RGS7: variants seen among roughly 807,000 people sequenced by gnomAD.
RGS7 encodes regulator of G protein signaling 7, also known as regulator of G-protein signaling 7.
RGS7 carries 27 observed loss-of-function variants against 81.1 expected under a neutral mutation model. The observed-to-expected ratio is 0.33, with a 90% CI of 0.25 to 0.46. The LOEUF (loss-of-function observed/expected upper bound fraction) is 0.46. Ranked by LOEUF, RGS7 falls within the 20% of genes least tolerant of loss-of-function variation. RGS7 has a pLI of 1.00. For missense variants in RGS7, 396 were observed against 607.4 expected (o/e 0.65, Z 3.66); for synonymous variants, 208 against 207.7 (o/e 1.00, Z -0.01).
intron 18 of RGS7, among the ~76,000 whole-genome samples, chr1:240,789,314 A>C (rs893578354): frequency 3.9e-5 from 6 of 152,140 alleles, no homozygotes; most frequent in Non-Finnish European, 8.8e-5. Context: ...GATTGCGTTA[A>C]CTGTACAAAT....
intron 2 of RGS7, among the ~76,000 whole-genome samples, chr1:241,246,306 T>C: frequency 6.6e-6 from 1 of 152,076 alleles, no homozygotes. Flanking sequence ...GACTGATAAA[T>C]CTATCTGTCT....
intron 9 of RGS7, among the ~76,000 whole-genome samples, chr1:240,866,289 A>T (rs1333035409): frequency 6.6e-6 from 1 of 152,166 alleles, no homozygotes; most frequent in Non-Finnish European, 1.5e-5. Context: ...AGGCGCGTGG[A>T]TCACGAGGTC....
chr1:241,298,384 T>C (rs1220219198), intron 2 of RGS7, among the ~76,000 whole-genome samples: 2 of 152,228 alleles, frequency 1.3e-5, no homozygotes. Flanking sequence ...TTGTATTATG[T>C]CTGAAAGATT....
chr1:241,280,839 G>A (rs1310871354), intron 2 of RGS7, among the ~76,000 whole-genome samples: 1 of 152,170 alleles, frequency 6.6e-6, no homozygotes, highest in Non-Finnish European at 1.5e-5. Context: ...TATGTCTTCA[G>A]TTCTCTGGGC....
At chr1:240,836,671 T>G (rs1330843924) in intron 9 of RGS7, among the ~76,000 whole-genome samples, 1 of 152,222 alleles carries the variant, frequency 6.6e-6, no homozygotes, top group African/African-American at 2.4e-5. Flanking sequence ...CTTTATGCAG[T>G]CTCTATGAAG....
At chr1:241,016,538 A>C (rs2059243683) in intron 3 of RGS7, among the ~76,000 whole-genome samples, 2 of 149,880 alleles carry the variant, frequency 1.3e-5, no homozygotes, top group Admixed American at 6.6e-5. Flanking sequence ...AAAAACAAAA[A>C]TCAACAACAA....
chr1:241,084,878 A>C (rs2063341974), intron 3 of RGS7, among the ~76,000 whole-genome samples: 1 of 152,256 alleles, frequency 6.6e-6, no homozygotes, highest in Admixed American at 6.5e-5. Context: ...CCCTATTAAC[A>C]GTGCTTGATG....
intron 18 of RGS7, among the ~76,000 whole-genome samples, chr1:240,797,392 C>T (rs1419733631): frequency 6.6e-6 from 1 of 152,140 alleles, no homozygotes; most frequent in Non-Finnish European, 1.5e-5. Flanking sequence ...TCTTTTGTCA[C>T]CCAGGTTGGA....
chr1:241,199,416 G>A (rs1387088245), intron 2 of RGS7, among the ~76,000 whole-genome samples: 1 of 150,210 alleles, frequency 6.7e-6, no homozygotes, highest in Non-Finnish European at 1.5e-5. Flanking sequence ...GAGTGAGACT[G>A]TCTCAAAAAA....
intron 2 of RGS7, among the ~76,000 whole-genome samples, chr1:241,226,218 C>T (rs528855065): frequency 6.6e-6 from 1 of 152,192 alleles, no homozygotes; most frequent in Non-Finnish European, 1.5e-5. Context: ...CCATCTTACC[C>T]TCTAGGTGAA....
chr1:241,053,763 G>C (rs1254913581), intron 3 of RGS7, among the ~76,000 whole-genome samples: 1 of 152,140 alleles, frequency 6.6e-6, no homozygotes, highest in African/African-American at 2.4e-5. Context: ...CTGAATCAAG[G>C]GGGGCAGTTT....
Position 241,245,555 on chromosome 1 carries a change from T to G in RGS7, c.78+110144A>C, listed in dbSNP as rs1191184991. 2.6e-5 allele frequency among the ~76,000 whole-genome samples: 4 copies of G among 151,044 alleles called. No individual in the cohort carries two copies. In the East Asian group the frequency reaches 7.8e-4, roughly 30 times the overall value. On this transcript the variant is annotated intron_variant, in intron 2 of 18. Transcript: ENST00000440928. ...CTGGCACAGTGGCTCACGCCTATAA[T>G]CCCAGCACTTTGGGAGGTCGAGGTG...
At chr1:240,982,705 C>T (rs369611570) in intron 4 of RGS7, among the ~76,000 whole-genome samples, 16 of 151,942 alleles carry the variant, frequency 1.1e-4, no homozygotes, top group African/African-American at 3.9e-4. Context: ...GTAGTTAAGG[C>T]AAAATTATAA....
chr1:240,925,288 C>A (rs958926176), intron 6 of RGS7, among the ~76,000 whole-genome samples: 2 of 152,072 alleles, frequency 1.3e-5, no homozygotes, highest in African/African-American at 2.4e-5. Context: ...TCATTCCCCC[C>A]ACCAGTACCT....
At chr1:240,896,346 G>C (rs1318302335) in intron 6 of RGS7, among the ~76,000 whole-genome samples, 1 of 152,144 alleles carries the variant, frequency 6.6e-6, no homozygotes, top group Admixed American at 6.5e-5. Context: ...TTTTAGACAT[G>C]AAGTCCTCGC....
At chr1:241,337,911 C>T (rs746053775) in intron 2 of RGS7, among the ~76,000 whole-genome samples, 35 of 152,252 alleles carry the variant, frequency 2.3e-4, no homozygotes, top group Non-Finnish European at 3.7e-4. Context: ...TAGTATTTTC[C>T]ATAAGCTCAC....
At chr1:241,330,060 C>T (rs1170105014) in intron 2 of RGS7, among the ~76,000 whole-genome samples, 2 of 152,184 alleles carry the variant, frequency 1.3e-5, no homozygotes, top group African/African-American at 2.4e-5. Flanking sequence ...CTGCCTCAGC[C>T]TCTCGAGTAG....
chr1:241,170,913 C>A (rs1442696988), intron 2 of RGS7, among the ~76,000 whole-genome samples: 1 of 151,974 alleles, frequency 6.6e-6, no homozygotes, highest in East Asian at 1.9e-4. Context: ...GCAATAATAT[C>A]ATCATTTTAG....
chr1:241,106,884 T>C (rs1454584425), intron 2 of RGS7, among the ~76,000 whole-genome samples: 2 of 147,100 alleles, frequency 1.4e-5, no homozygotes, highest in African/African-American at 5.2e-5. Context: ...TTCTAATTTA[T>C]AGACGTTTCT....
Sources: allele counts gnomAD v4.1 joint callset (sites outside exome capture counted in the v4.1 genomes callset), GRCh38; gene constraint gnomAD v4.1.1; transcripts MANE v1.5; gene names NCBI Gene and HGNC (gene_info 2026-07-23, HGNC 2026-07-21).